Variants in LRRC4C observed in about 807,000 individuals in gnomAD.
The protein encoded by LRRC4C is leucine-rich repeat-containing protein 4C.
LRRC4C carries 5 observed loss-of-function variants against 33.6 expected under a neutral mutation model. That is an observed-to-expected ratio of 0.15 (90% CI 0.08 to 0.31). The LOEUF (loss-of-function observed/expected upper bound fraction) is 0.31, where lower values mean the gene tolerates loss of function less well. Among genes scored for constraint, LRRC4C ranks in the 10% least tolerant of loss-of-function variants. LRRC4C has a pLI of 1.00. For missense variants in LRRC4C, 560 were observed against 796.7 expected (o/e 0.70, Z 3.58); for synonymous variants, 329 against 302.0 (o/e 1.09, Z -0.93).
intron 2 of LRRC4C, among the ~76,000 whole-genome samples, chr11:40,819,762 A>G (rs574188745): frequency 6.8e-6 from 1 of 147,002 alleles, no homozygotes; most frequent in Non-Finnish European, 1.5e-5. Context: ...CATACACTGC[A>G]TCTGCAGAAA....
chr11:40,747,014 C>A (rs1465502839), intron 2 of LRRC4C, among the ~76,000 whole-genome samples: 2 of 152,184 alleles, frequency 1.3e-5, no homozygotes, highest in Admixed American at 6.5e-5. Context: ...TTATTGGCAT[C>A]TGAATAAGCC....
At chr11:41,442,256 A>G (rs1955643724) in intron 1 of LRRC4C, among the ~76,000 whole-genome samples, 2 of 151,958 alleles carry the variant, frequency 1.3e-5, no homozygotes, top group Non-Finnish European at 2.9e-5. Flanking sequence ...TCTATGACCC[A>G]TAATACAAAG....
chr11:40,778,768 T>C (rs1453864409), intron 2 of LRRC4C, among the ~76,000 whole-genome samples: 2 of 152,096 alleles, frequency 1.3e-5, no homozygotes, highest in Non-Finnish European at 2.9e-5. Flanking sequence ...ACCTCAAAGG[T>C]AGAGCAAGTG....
chr11:40,537,994 A>G (rs1315277533), intron 3 of LRRC4C, among the ~76,000 whole-genome samples: 1 of 152,168 alleles, frequency 6.6e-6, no homozygotes, highest in Non-Finnish European at 1.5e-5. Flanking sequence ...CATTTCAACA[A>G]GATTCCCCCA....
intron 1 of LRRC4C, among the ~76,000 whole-genome samples, chr11:41,196,516 A>G (rs7130998): frequency 0.2 from 30,156 of 152,058 alleles, 3,513 homozygotes; most frequent in African/African-American, 0.32. Context: ...GAATGAGTTC[A>G]TTGTTAAATA....
chr11:40,958,765 CT>C (rs1293873707), intron 1 of LRRC4C, among the ~76,000 whole-genome samples: 2 of 151,654 alleles, frequency 1.3e-5, no homozygotes, highest in African/African-American at 4.8e-5. Flanking sequence ...TGAATTCTTG[CT>C]TTATAGAATA....
At chr11:41,380,199 T>C (rs2137880268) in intron 1 of LRRC4C, among the ~76,000 whole-genome samples, 1 of 152,312 alleles carries the variant, frequency 6.6e-6, no homozygotes, top group Admixed American at 6.5e-5. Context: ...TATTTTCAAT[T>C]GTGTTGCCTT....
chr11:40,934,018 A>G (rs1957753166), intron 1 of LRRC4C, among the ~76,000 whole-genome samples: 1 of 152,176 alleles, frequency 6.6e-6, no homozygotes, highest in Admixed American at 6.6e-5. Context: ...TAAGATTTTT[A>G]ACAAAGGAAA....
chr11:40,156,215 G>A (rs1301415488), intron 5 of LRRC4C, among the ~76,000 whole-genome samples: 3 of 152,056 alleles, frequency 2.0e-5, no homozygotes, highest in Non-Finnish European at 4.4e-5. Context: ...TGTAATAAAA[G>A]CCATCTATGA....
At chr11:41,194,476 A>T (rs1208531912) in intron 1 of LRRC4C, among the ~76,000 whole-genome samples, 1 of 152,106 alleles carries the variant, frequency 6.6e-6, no homozygotes, top group African/African-American at 2.4e-5. Context: ...AGGTAACAAG[A>T]TGTACATCAT....
chr11:40,801,873 C>T (rs752752949), intron 2 of LRRC4C, among the ~76,000 whole-genome samples: 2 of 152,070 alleles, frequency 1.3e-5, no homozygotes, highest in Admixed American at 6.6e-5. Flanking sequence ...AATATGATTT[C>T]ATTTGATGGA....
At chr11:40,932,465 T>G (rs1201345450) in intron 2 of LRRC4C, among the ~76,000 whole-genome samples, 1 of 152,048 alleles carries the variant, frequency 6.6e-6, no homozygotes, top group African/African-American at 2.4e-5. Flanking sequence ...TTGCTTGGAT[T>G]TTAGTTGGTT....
intron 1 of LRRC4C, among the ~76,000 whole-genome samples, chr11:40,960,446 A>G (rs949089258): frequency 6.6e-6 from 1 of 151,712 alleles, no homozygotes; most frequent in Non-Finnish European, 1.5e-5. Context: ...GTCTAAATTG[A>G]GTTTCTATGA....
At chr11:41,103,990 G>A (rs948231255) in intron 1 of LRRC4C, among the ~76,000 whole-genome samples, 6 of 151,980 alleles carry the variant, frequency 3.9e-5, no homozygotes, top group Non-Finnish European at 4.4e-5. Flanking sequence ...CAGAATGGAT[G>A]ATAGAACTAA....
intron 2 of LRRC4C, among the ~76,000 whole-genome samples, chr11:40,875,594 C>T (rs1954845129): frequency 6.6e-6 from 1 of 151,990 alleles, no homozygotes; most frequent in African/African-American, 2.4e-5. Context: ...TGAAGAAATC[C>T]TAAATCCAAT....
intron 2 of LRRC4C, among the ~76,000 whole-genome samples, chr11:40,833,532 C>T (rs982203881): frequency 1.2e-4 from 18 of 152,122 alleles, no homozygotes; most frequent in African/African-American, 4.1e-4. Flanking sequence ...CCTTATAACA[C>T]ATCCCAAATT....
chr11:41,189,555 A>G (rs538836223), intron 1 of LRRC4C, among the ~76,000 whole-genome samples: 1 of 152,304 alleles, frequency 6.6e-6, no homozygotes, highest in East Asian at 1.9e-4. Flanking sequence ...TCACACTGAA[A>G]AATACTGAAG....
intron 1 of LRRC4C, among the ~76,000 whole-genome samples, chr11:41,327,559 C>A (rs74494236): frequency 0.012 from 1,888 of 152,178 alleles, 43 homozygotes; most frequent in African/African-American, 0.043. Flanking sequence ...ATTTGCTATG[C>A]CTCAGGGCCT....
At chr11:41,022,854 G>A (rs1224104790) in intron 1 of LRRC4C, among the ~76,000 whole-genome samples, 2 of 151,912 alleles carry the variant, frequency 1.3e-5, no homozygotes, top group African/African-American at 4.8e-5. Flanking sequence ...TCAAAACGAA[G>A]AGAACACTCT....
Sources: allele counts gnomAD v4.1 joint callset (sites outside exome capture counted in the v4.1 genomes callset), GRCh38; gene constraint gnomAD v4.1.1; transcripts MANE v1.5; gene names NCBI Gene and HGNC (gene_info 2026-07-23, HGNC 2026-07-21).